Variants in MYOZ2 observed in about 807,000 individuals in gnomAD.
MYOZ2 encodes myozenin-2.
In MYOZ2, 19 loss-of-function variants were observed where a neutral mutation model predicts 25.4. The ratio of observed to expected loss-of-function variants is 0.75; its 90% confidence interval spans 0.52 to 1.10. The LOEUF is 1.10. Ranked by LOEUF, MYOZ2 falls within the 50% of genes least tolerant of loss-of-function variation. MYOZ2 has a pLI of 0.00. For missense variants in MYOZ2, 270 were observed against 317.9 expected (o/e 0.85, Z 1.15); for synonymous variants, 92 against 106.9 (o/e 0.86, Z 0.86).
intron 5 of MYOZ2, among the ~76,000 whole-genome samples, chr4:119,180,710 C>T (rs1004562680): frequency 1.3e-5 from 2 of 152,108 alleles, no homozygotes; most frequent in Non-Finnish European, 2.9e-5. Flanking sequence ...CCTGTCTCCA[C>T]ACCCAGCTAA....
At chr4:119,163,054 AG>A (rs1741744871) in intron 4 of MYOZ2, among the ~76,000 whole-genome samples, 1 of 152,206 alleles carries the variant, frequency 6.6e-6, no homozygotes, top group Non-Finnish European at 1.5e-5. Context: ...GGAATTTTCT[AG>A]GTAGAGTGCA....
intron 2 of MYOZ2, 56 bp downstream of exon 2, chr4:119,136,657 T>C (rs1046363845): frequency 3.3e-6 from 5 of 1,524,058 alleles, no homozygotes; most frequent in Non-Finnish European, 4.5e-6. Context: ...TGTGGCTCCA[T>C]CCTGACGTTG....
intron 4 of MYOZ2, among the ~76,000 whole-genome samples, chr4:119,160,176 C>T (rs865872877): frequency 2.6e-4 from 40 of 152,058 alleles, no homozygotes; most frequent in Non-Finnish European, 1.5e-5. Flanking sequence ...TGATGGTATG[C>T]GAATAGTCCC....
At chr4:119,185,606 C>T (rs915568957) in intron 5 of MYOZ2, among the ~76,000 whole-genome samples, 4 of 152,140 alleles carry the variant, frequency 2.6e-5, no homozygotes, top group African/African-American at 4.8e-5. Flanking sequence ...TGAGCCACCA[C>T]GCCCGGCCTA....
intron 2 of MYOZ2, among the ~76,000 whole-genome samples, chr4:119,149,976 T>C (rs1405571134): frequency 1.3e-5 from 2 of 152,212 alleles, no homozygotes; most frequent in African/African-American, 4.8e-5. Flanking sequence ...TTTATTTTCC[T>C]AATGGCCCAA....
intron 2 of MYOZ2, among the ~76,000 whole-genome samples, chr4:119,143,568 T>G (rs572641636): frequency 2.6e-5 from 4 of 152,320 alleles, no homozygotes; most frequent in African/African-American, 9.6e-5. Context: ...GTCCATAGTT[T>G]ACATTAGGAT....
intron 2 of MYOZ2, among the ~76,000 whole-genome samples, chr4:119,143,196 T>C (rs1439390419): frequency 6.6e-6 from 1 of 151,800 alleles, no homozygotes; most frequent in Non-Finnish European, 1.5e-5. Flanking sequence ...TCTTTCTTTC[T>C]TTTTTCTTTT....
rs1226482134 is a variant in MYOZ2 at position 119,186,994 on chromosome 4, G to A, written c.*794G>A. The A allele has an allele frequency of 3.3e-5, 5 of 152,214 alleles. No homozygotes were observed. The highest frequency in any genetic ancestry group is 1.9e-4 in the East Asian group (1 of 5,184). 9.4% of individuals were successfully genotyped at this position (152,214 alleles called of 1,614,324 possible). On this transcript the variant is annotated 3_prime_UTR_variant, in exon 6 of 6. Transcript: ENST00000307128. ...AGAGTAAGAACAAATAAAGTACACCGTAATATACATATAAATACATTCATG... is the reference window on the plus strand; with the variant it reads ...AGAGTAAGAACAAATAAAGTACACCATAATATACATATAAATACATTCATG...
At chr4:119,183,245 T>C (rs539620028) in intron 5 of MYOZ2, among the ~76,000 whole-genome samples, 8 of 151,994 alleles carry the variant, frequency 5.3e-5, no homozygotes, top group Non-Finnish European at 1.0e-4. Context: ...TAATGAAAGA[T>C]ATAAAATAGG....
chr4:119,142,451 A>G (rs982017588), intron 2 of MYOZ2, among the ~76,000 whole-genome samples: 1 of 152,218 alleles, frequency 6.6e-6, no homozygotes, highest in Non-Finnish European at 1.5e-5. Context: ...TCATCCTTCC[A>G]TGGTCCAAAC....
At chr4:119,153,746 TA>T (rs1391578747) in intron 3 of MYOZ2, among the ~76,000 whole-genome samples, 1 of 152,144 alleles carries the variant, frequency 6.6e-6, no homozygotes, top group African/African-American at 2.4e-5. Flanking sequence ...AAAATAAGTG[TA>T]GCTTTGAATT....
At chr4:119,138,805 T>C (rs1413665149) in intron 2 of MYOZ2, among the ~76,000 whole-genome samples, 1 of 152,098 alleles carries the variant, frequency 6.6e-6, no homozygotes, top group Non-Finnish European at 1.5e-5. Context: ...AATGTGACAA[T>C]GAGTTGGCTA....
intron 5 of MYOZ2, among the ~76,000 whole-genome samples, chr4:119,167,442 C>T (rs976650832): frequency 6.6e-6 from 1 of 152,184 alleles, no homozygotes; most frequent in African/African-American, 2.4e-5. Flanking sequence ...AGGAAAGACG[C>T]CATCTTCTTA....
At chr4:119,149,305 C>T (rs981910493) in intron 2 of MYOZ2, among the ~76,000 whole-genome samples, 1 of 152,208 alleles carries the variant, frequency 6.6e-6, no homozygotes, top group Non-Finnish European at 1.5e-5. Flanking sequence ...TCTGACACCA[C>T]CCTAGTGGGA....
rs868611205 is a variant in MYOZ2, at chr4:119,164,231, G to A, written c.397G>A (p.Glu133Lys). 6.2e-7 allele frequency: 1 copy of A among 1,613,856 alleles called. No homozygotes were observed. Among genetic ancestry groups the A allele is most frequent in the Non-Finnish European group, 8.5e-7 (1 of 1,179,924 alleles). ...CAAAGGATATTCTGGACCACTGAAGGAAATTCCTCCTGAAAAATTCAACAC... is the reference window on the plus strand; with the variant it reads ...CAAAGGATATTCTGGACCACTGAAGAAAATTCCTCCTGAAAAATTCAACAC... ...IAPGYSGPLK[E>K]IPPEKFNTTA... The change falls in exon 5 of 6, where the codon GAA (glutamate) becomes AAA (lysine). Residue 133 changes from glutamate (E) to lysine (K), a missense_variant. By Grantham distance (56) the Glu-to-Lys change is moderately conservative. Transcript: ENST00000307128.
At position 119,136,541 on chromosome 4, in the gene MYOZ2, A is replaced by G. The variant is rs757032457; in HGVS notation, c.16A>G (p.Thr6Ala). ...CAAAAAAACCATGCTATCACATAATACTATGATGAAGCAGAGAAAACAGCA... is the reference window on the plus strand; with the variant it reads ...CAAAAAAACCATGCTATCACATAATGCTATGATGAAGCAGAGAAAACAGCA... MLSHN[T>A]MMKQRKQQAT... The change falls in exon 2 of 6, where the codon ACT becomes GCT. Residue 6 changes from threonine (T) to alanine (A), a missense_variant. Transcript: ENST00000307128. 6.2e-7 allele frequency: 1 copy of G among 1,613,624 alleles called. No individual in the cohort carries two copies. Among genetic ancestry groups the G allele is most frequent in the Non-Finnish European group, 8.5e-7 (1 of 1,179,616 alleles).
At chr4:119,167,201 C>T in intron 5 of MYOZ2, among the ~76,000 whole-genome samples, 1 of 152,214 alleles carries the variant, frequency 6.6e-6, no homozygotes, top group Non-Finnish European at 1.5e-5. Flanking sequence ...ATAAGTGCTA[C>T]TCCAGTGAAC....
intron 2 of MYOZ2, among the ~76,000 whole-genome samples, chr4:119,149,454 G>A (rs1741398514): frequency 6.6e-6 from 1 of 152,212 alleles, no homozygotes. Context: ...AACATTTTCT[G>A]TCTTGCAGAG....
chr4:119,186,965 TAGAAG>T lies in MYOZ2; in HGVS notation c.*768_*772del. On this transcript the variant is annotated 3_prime_UTR_variant, in exon 6 of 6. Transcript: ENST00000307128. ...ATGTTCAACTTTATGTGTGCATTCT[TAGAAG>T]AGTAAGAACAAATAAAGTACACCGT... 1 of 152,314 alleles carries T rather than the reference TAGAAG, an allele frequency of 6.6e-6. No homozygotes were observed. The highest frequency in any genetic ancestry group is 3.4e-3 in the Middle Eastern group (1 of 294). The allele number at this position is 152,314 out of a possible 1,614,324, so 9.4% of individuals were successfully genotyped here. A position where few individuals can be genotyped will look rare whatever the true frequency, so the allele number is the denominator to read the frequency against.
Sources: allele counts gnomAD v4.1 joint callset (sites outside exome capture counted in the v4.1 genomes callset), GRCh38; gene constraint gnomAD v4.1.1; transcripts MANE v1.5; gene names NCBI Gene and HGNC (gene_info 2026-07-23, HGNC 2026-07-21).